The following CYP4V2 variants were observed in gnomAD, a reference collection of about 807,000 sequenced individuals.
CYP4V2 encodes the protein cytochrome P450 family 4 subfamily V member 2.
Under a neutral mutation model 60.8 loss-of-function variants are expected in CYP4V2, and 55 were observed. That is an observed-to-expected ratio of 0.90 (90% confidence interval 0.73 to 1.13). CYP4V2 has a LOEUF of 1.13. Among genes scored for constraint, CYP4V2 ranks in the 50% most tolerant of loss-of-function variants. CYP4V2 has a pLI of 0.00. For synonymous variants in CYP4V2, 239 were observed against 236.8 expected (o/e 1.01, Z -0.08); for missense variants, 675 against 662.9 (o/e 1.02, Z -0.20).
At chr4:186,209,293 G>C in intron 10 of CYP4V2, 21 bp downstream of exon 10, 5 of 1,613,700 alleles carry the variant, frequency 3.1e-6, no homozygotes, top group Non-Finnish European at 4.2e-6. Flanking sequence ...ATCTGAATTG[G>C]TTTGACCTTT....
intron 7 of CYP4V2, chr4:186,204,458 G>GTT: frequency 4.6e-6 from 1 of 217,742 alleles, no homozygotes; most frequent in South Asian, 4.3e-5. Context: ...TTACGCTGGC[G>GTT]TAAGAGGTGG....
At chr4:186,196,259 C>T in intron 3 of CYP4V2, 171 bp downstream of exon 3, 1 of 664,446 alleles carries the variant, frequency 1.5e-6, no homozygotes. Flanking sequence ...CTTTGCCCGT[C>T]AAGAGGCCAA....
At chr4:186,193,549 G>T (rs1374426251) in intron 1 of CYP4V2, among the ~76,000 whole-genome samples, 3 of 152,104 alleles carry the variant, frequency 2.0e-5, no homozygotes, top group African/African-American at 7.2e-5. Context: ...AACTTAGAGG[G>T]TTTTCTTTCT....
chr4:186,204,767 G>A (rs944775049), intron 7 of CYP4V2: 2 of 287,352 alleles, frequency 7.0e-6, no homozygotes, highest in Non-Finnish European at 1.4e-5. Context: ...TACTGCAGAG[G>A]ATATGACTTA....
chr4:186,204,328 G>T (rs1736422777), intron 7 of CYP4V2: 2 of 157,514 alleles, frequency 1.3e-5, no homozygotes, highest in African/African-American at 5.1e-5. Context: ...CGCTACGCTG[G>T]CGTAAGAGGC....
intron 6 of CYP4V2, 116 bp downstream of exon 6, chr4:186,199,199 C>T (rs1736237167): frequency 2.9e-5 from 33 of 1,121,874 alleles, no homozygotes; most frequent in Non-Finnish European, 3.9e-5. Flanking sequence ...GTTGTGCAAC[C>T]ATCCCCACCG....
chr4:186,197,028 G>A lies in CYP4V2; in HGVS notation c.502G>A (p.Glu168Lys). The A allele has an allele frequency of 6.2e-7, 1 of 1,613,770 alleles. No homozygotes were observed. The highest frequency in any genetic ancestry group is 8.5e-7 in the Non-Finnish European group (1 of 1,179,990). ...GGAAGATTTCTTAGATATCATGAAT[G>A]AACAAGCAAATATATTGGTTAAGAA... is the stretch of plus-strand genomic sequence containing the variant. The part of the protein sequence containing the change: ...ILEDFLDIMN[E>K]QANILVKKLE... The change falls in exon 4 of 11, where the codon GAA becomes AAA. Residue 168 changes from glutamate to lysine, a missense_variant. Transcript: ENST00000378802.
rs1736791283 is a variant in CYP4V2, at chr4:186,213,412, G to T, written c.*2771G>T. ...ATAGAAAACTGTAAAAGATAAATCA[G>T]GAGATGGCTGATTCATAATGGGTAA... On this transcript the variant is annotated 3_prime_UTR_variant, in exon 11 of 11. Transcript: ENST00000378802. 6.6e-6 allele frequency: 1 copy of T among 152,194 alleles called. No homozygotes were observed. Among genetic ancestry groups the T allele is most frequent in the Admixed American group, 6.5e-5 (1 of 15,286 alleles). The allele number at this position is 152,194 out of a possible 1,614,324, so 9.4% of individuals were successfully genotyped here.
intron 6 of CYP4V2, 91 bp downstream of exon 6, chr4:186,199,174 A>G: frequency 7.5e-7 from 1 of 1,342,022 alleles, no homozygotes; most frequent in East Asian, 2.4e-5. Flanking sequence ...TGGTGGTATT[A>G]AGTGCATTCA....
At chr4:186,205,638 A>G (rs1049316148) in intron 8 of CYP4V2, among the ~76,000 whole-genome samples, 12 of 152,232 alleles carry the variant, frequency 7.9e-5, no homozygotes, top group African/African-American at 2.9e-4. Context: ...GAAACTATTT[A>G]GAAAGGTACA....
chr4:186,197,704 T>G, intron 5 of CYP4V2, 102 bp downstream of exon 5: 2 of 1,211,810 alleles, frequency 1.7e-6, no homozygotes, highest in Non-Finnish European at 1.2e-6. Flanking sequence ...GGTTTCAAAA[T>G]TAAACATTAA....
Position 186,191,933 on chromosome 4 carries a change from T to A in CYP4V2, c.110T>A (p.Val37Glu). The A allele has an allele frequency of 1.3e-6, 2 of 1,592,844 alleles. No individual in the cohort carries two copies. The highest frequency in any genetic ancestry group is 1.7e-4 in the Middle Eastern group (1 of 5,962). ...ASLVLSLLQR[V>E]ASYARKWQQM... ...CTGGTCCTGAGCCTGCTGCAGAGGG[T>A]GGCGAGCTACGCGCGGAAATGGCAG... The change falls in exon 1 of 11, where the codon GTG (valine) becomes GAG (glutamate). Residue 37 changes from valine to glutamate, a missense_variant. Transcript: ENST00000378802.
chr4:186,192,423 C>T, intron 1 of CYP4V2: 1 of 382,600 alleles, frequency 2.6e-6, no homozygotes, highest in East Asian at 6.2e-5. Context: ...ACGCCCAGAG[C>T]CGCCCTCCTC....
In CYP4V2 at chr4:186,211,782, T is replaced by G. The variant is rs1269673096; in HGVS notation, c.*1141T>G. On this transcript the variant is annotated 3_prime_UTR_variant, in exon 11 of 11. Transcript: ENST00000378802. ...AAAATTATATTAGTGGGACCAGTTATGACAAGAATAATCATTATAGTACTT... is the reference window on the plus strand; with the variant it reads ...AAAATTATATTAGTGGGACCAGTTAGGACAAGAATAATCATTATAGTACTT... The G allele has an allele frequency of 6.6e-6, 1 of 152,164 alleles. No individual in the cohort carries two copies. Among genetic ancestry groups the G allele is most frequent in the East Asian group, 1.9e-4 (1 of 5,196 alleles). The allele number at this position is 152,164 out of a possible 1,614,324, so 9.4% of individuals were successfully genotyped here.
In CYP4V2 at chr4:186,210,872, C is replaced by G; in HGVS notation, c.*231C>G. ...TTTTTGAAACCGTGTCTCACTCTGTCGCCCAGGCTGGAGGAGTGCAGTGGT... is the reference window on the plus strand; with the variant it reads ...TTTTTGAAACCGTGTCTCACTCTGTGGCCCAGGCTGGAGGAGTGCAGTGGT... On this transcript the variant is annotated 3_prime_UTR_variant, in exon 11 of 11. Coordinates refer to ENST00000378802, the MANE Select transcript of CYP4V2 (RefSeq NM_207352.4). 1 of 470,146 alleles carries G rather than the reference C, an allele frequency of 2.1e-6. No individual in the cohort carries two copies. Among genetic ancestry groups the G allele is most frequent in the South Asian group, 2.2e-5 (1 of 46,226 alleles). 29.1% of individuals were successfully genotyped at this position (470,146 alleles called of 1,614,324 possible).
In CYP4V2 at chr4:186,204,403, GGCGGTGGAGACGTTTCGCTGGCGTAA is replaced by G. The variant is rs1327878445; in HGVS notation, c.988-795_988-770del. The G allele has an allele frequency of 1.3e-3, 254 of 195,116 alleles. 10 individuals carry two copies. The highest frequency in any genetic ancestry group is 6.0e-3 in the African/African-American group (251 of 41,488). The allele number at this position is 195,116 out of a possible 1,614,324, so 12.1% of individuals were successfully genotyped here. On this transcript the variant is annotated intron_variant, in intron 7 of 10. Transcript: ENST00000378802. ...GAGGCGCTACGCTGGCGTAAGAGGTGGCGGTGGAGACGTTTCGCTGGCGTAAGAGGTGGAGGTGGAGACGTTACGCT... is the reference window on the plus strand; with the variant it reads ...GAGGCGCTACGCTGGCGTAAGAGGTGGAGGTGGAGGTGGAGACGTTACGCT...
chr4:186,194,711 C>T, intron 2 of CYP4V2, 99 bp downstream of exon 2: 2 of 1,151,096 alleles, frequency 1.7e-6, no homozygotes, highest in Non-Finnish European at 2.6e-6. Flanking sequence ...TCAGCCATTT[C>T]AGCACAAAAA....
At chr4:186,209,458 G>A (rs971374508) in intron 10 of CYP4V2, among the ~76,000 whole-genome samples, 186 bp downstream of exon 10, 3 of 152,274 alleles carry the variant, frequency 2.0e-5, no homozygotes, top group South Asian at 4.1e-4. Context: ...AGGTATATTA[G>A]TATATTCGCC....
intron 1 of CYP4V2, among the ~76,000 whole-genome samples, chr4:186,193,943 C>G (rs1387455307): frequency 6.6e-6 from 1 of 152,232 alleles, no homozygotes; most frequent in Non-Finnish European, 1.5e-5. Context: ...CAGCTACTCC[C>G]AGCTGTTGGA....
Sources: gnomAD v4.1 joint callset for allele counts (sites outside exome capture counted in the v4.1 genomes callset) on GRCh38, gnomAD v4.1.1 for gene constraint, MANE v1.5 for transcripts, NCBI Gene and HGNC (gene_info 2026-07-23, HGNC 2026-07-21) for gene names.